SLCO3A1: variants seen among roughly 807,000 people sequenced by gnomAD.
SLCO3A1 encodes the protein solute carrier organic anion transporter family member 3A1.
In SLCO3A1, 27 loss-of-function variants were observed where a neutral mutation model predicts 63.1. The observed-to-expected ratio is 0.43, with a 90% CI of 0.32 to 0.59. SLCO3A1 has a LOEUF of 0.59. Ranked by LOEUF, SLCO3A1 falls within the 20% of genes least tolerant of loss-of-function variation. The pLI is 0.09. For missense variants in SLCO3A1, 773 were observed against 945.8 expected (o/e 0.82, Z 2.40); for synonymous variants, 473 against 409.9 (o/e 1.15, Z -1.86).
rs1491517930 is a variant in SLCO3A1 at position 92,053,692 on chromosome 15, G to GTTT, written c.647-41188_647-41186dup. Among the ~76,000 whole-genome samples, 232 of 28,938 alleles carry GTTT rather than the reference G, an allele frequency of 8.0e-3. 1 individual carries two copies. The highest frequency in any genetic ancestry group is 0.014 in the African/African-American group (208 of 14,406). The allele number at this position is 28,938 out of a possible 152,430, so 19.0% of individuals were successfully genotyped here. On this transcript the variant is annotated intron_variant, in intron 2 of 9. Transcript: ENST00000318445. ...TTATGTTTTGTTTTTTTGTTTGTTT[G>GTTT]TTTGTTTTTTTTTTTTTTACTTCTC...
chr15:92,074,054 C>G (rs1567104888), intron 2 of SLCO3A1, among the ~76,000 whole-genome samples: 1 of 152,140 alleles, frequency 6.6e-6, no homozygotes, highest in Admixed American at 6.5e-5. Context: ...ACCTGTAATC[C>G]CAGCTACTTG....
At chr15:91,892,692 A>C (rs1897900946) in intron 1 of SLCO3A1, among the ~76,000 whole-genome samples, 2 of 152,110 alleles carry the variant, frequency 1.3e-5, no homozygotes, top group Admixed American at 1.3e-4. Context: ...AATGTGGAGG[A>C]TCTTCCGTCT....
At chr15:91,944,040 A>G (rs1364128908) in intron 2 of SLCO3A1, among the ~76,000 whole-genome samples, 2 of 152,138 alleles carry the variant, frequency 1.3e-5, no homozygotes, top group African/African-American at 2.4e-5. Flanking sequence ...CTACCTGCAC[A>G]TCTTGTCTGA....
intron 2 of SLCO3A1, among the ~76,000 whole-genome samples, chr15:92,043,953 A>G (rs1230414809): frequency 1.3e-5 from 2 of 151,976 alleles, no homozygotes; most frequent in African/African-American, 2.4e-5. Context: ...CTGCTTTCCA[A>G]CATATTCTGC....
chr15:91,876,658 G>A (rs563843059), intron 1 of SLCO3A1, among the ~76,000 whole-genome samples: 16 of 152,354 alleles, frequency 1.1e-4, no homozygotes, highest in African/African-American at 3.6e-4. Context: ...GCAAGCATGG[G>A]CTCTGGATAA....
chr15:91,974,088 C>G (rs1310816837), intron 2 of SLCO3A1, among the ~76,000 whole-genome samples: 1 of 151,858 alleles, frequency 6.6e-6, no homozygotes, highest in East Asian at 1.9e-4. Context: ...ACCTAAGAAA[C>G]CAGGCTGTGG....
chr15:92,122,974 G>T (rs973676259), intron 5 of SLCO3A1, among the ~76,000 whole-genome samples: 1 of 152,216 alleles, frequency 6.6e-6, no homozygotes, highest in African/African-American at 2.4e-5. Context: ...TTTGGGGGAA[G>T]CTAACTGGGA....
intron 2 of SLCO3A1, among the ~76,000 whole-genome samples, chr15:92,085,523 C>T (rs913637085): frequency 3.3e-5 from 5 of 152,196 alleles, no homozygotes; most frequent in Admixed American, 6.5e-5. Context: ...TGGGAGTAAT[C>T]CTGAGGTAAC....
chr15:92,145,357 G>GTCTT (rs2048207590), intron 7 of SLCO3A1, among the ~76,000 whole-genome samples: 1 of 152,158 alleles, frequency 6.6e-6, no homozygotes, highest in Admixed American at 6.6e-5. Context: ...TTGGGGAGAA[G>GTCTT]TCTTGCTTCC....
chr15:92,149,677 G>A (rs2048278380), intron 8 of SLCO3A1: 1 of 152,198 alleles, frequency 6.6e-6, no homozygotes, highest in Non-Finnish European at 1.5e-5. Flanking sequence ...GTTTCTTCAT[G>A]ACTCAAGCCA....
chr15:91,916,073 C>G lies in SLCO3A1; in HGVS notation c.261C>G (p.Ile87Met), dbSNP rs140635198. 607 of 1,613,224 alleles carry G rather than the reference C, an allele frequency of 3.8e-4. No homozygotes were observed. The East Asian group carries it at 4.1e-3, about 11-fold the overall frequency. ...GTGTGATCGCTAGCAGCTTCGAGAT[C>G]GGGAACCTGGCGCTCATCCTCTTCG... ...DVGVIASSFE[I>M]GNLALILFVS... The change falls in exon 2 of 10, where the codon ATC (isoleucine) becomes ATG (methionine). Residue 87 changes from isoleucine (I) to methionine (M), a missense_variant. Physicochemically the swap from Ile to Met is conservative, Grantham distance 10. Coordinates refer to ENST00000318445, the MANE Select transcript of SLCO3A1 (RefSeq NM_013272.4). This position sits in a 1 kb window ranked among gnomAD's most constrained non-coding sequence, Gnocchi z 6.2.
At chr15:91,938,270 A>G (rs1899485398) in intron 2 of SLCO3A1, among the ~76,000 whole-genome samples, 1 of 152,154 alleles carries the variant, frequency 6.6e-6, no homozygotes, top group Non-Finnish European at 1.5e-5. Flanking sequence ...ATCCCAGTGC[A>G]GGGCCCAGTA....
chr15:91,980,342 C>T (rs998380127), intron 2 of SLCO3A1, among the ~76,000 whole-genome samples: 2 of 151,668 alleles, frequency 1.3e-5, no homozygotes, highest in African/African-American at 4.9e-5. Context: ...CTAGCCTTTT[C>T]GTTAAGGGGC....
intron 2 of SLCO3A1, among the ~76,000 whole-genome samples, chr15:92,061,635 G>A (rs2047087384): frequency 6.6e-6 from 1 of 152,212 alleles, no homozygotes; most frequent in Non-Finnish European, 1.5e-5. Flanking sequence ...GGTGGAGGAG[G>A]TGCACCCACT....
chr15:92,089,874 G>A (rs1035961286), intron 2 of SLCO3A1, among the ~76,000 whole-genome samples: 3 of 152,142 alleles, frequency 2.0e-5, no homozygotes, highest in Admixed American at 6.5e-5. Flanking sequence ...AGGCAAATTT[G>A]CAACAGAGGG....
At chr15:92,082,202 C>G (rs2047355169) in intron 2 of SLCO3A1, among the ~76,000 whole-genome samples, 1 of 152,222 alleles carries the variant, frequency 6.6e-6, no homozygotes, top group Admixed American at 6.5e-5. Context: ...ATGTGTATTG[C>G]AGGTTTCCTG....
At chr15:91,911,130 T>C (rs1000073082) in intron 1 of SLCO3A1, among the ~76,000 whole-genome samples, 1 of 152,242 alleles carries the variant, frequency 6.6e-6, no homozygotes, top group Non-Finnish European at 1.5e-5. Flanking sequence ...GCTGATAGTT[T>C]CAGTTGGCCT....
intron 2 of SLCO3A1, among the ~76,000 whole-genome samples, chr15:91,997,322 G>C (rs1388541657): frequency 6.6e-6 from 1 of 152,140 alleles, no homozygotes; most frequent in Non-Finnish European, 1.5e-5. Flanking sequence ...TCTCTAGAAG[G>C]AAAACTACAA....
At chr15:92,096,268 G>C (rs575212464) in intron 3 of SLCO3A1, among the ~76,000 whole-genome samples, 2 of 152,306 alleles carry the variant, frequency 1.3e-5, no homozygotes, top group South Asian at 2.1e-4. Flanking sequence ...AGGTGAGAGA[G>C]AGCACCTGAG....
Sources: allele counts gnomAD v4.1 joint callset (sites outside exome capture counted in the v4.1 genomes callset), GRCh38; gene constraint gnomAD v4.1.1; non-coding constraint Gnocchi (gnomAD v3.1); transcripts MANE v1.5; gene names NCBI Gene and HGNC (gene_info 2026-07-23, HGNC 2026-07-21).